The following LPP variants were observed in gnomAD, a reference collection of about 807,000 sequenced individuals.
The protein encoded by LPP is LIM domain containing preferred translocation partner in lipoma, also known as lipoma-preferred partner.
In LPP, 38 loss-of-function variants were observed where a neutral mutation model predicts 60.4. The observed-to-expected ratio is 0.63, with a 90% CI of 0.49 to 0.83. The LOEUF is 0.83. Ranked by LOEUF, LPP falls within the 40% of genes least tolerant of loss-of-function variation. LPP has a pLI of 0.00. For missense variants in LPP, 902 were observed against 783.6 expected, an observed-to-expected ratio of 1.15 and a Z score of -1.80; for synonymous variants, 328 against 290.8, an observed-to-expected ratio of 1.13 and a Z score of -1.30.
chr3:188,354,038 T>C (rs1254880713), intron 3 of LPP, among the ~76,000 whole-genome samples: 2 of 152,172 alleles, frequency 1.3e-5, no homozygotes, highest in African/African-American at 4.8e-5. Flanking sequence ...TTGTCTGATA[T>C]TGATGTTCTG....
chr3:188,786,174 G>A (rs1170688888), intron 9 of LPP, among the ~76,000 whole-genome samples: 1 of 151,890 alleles, frequency 6.6e-6, no homozygotes, highest in East Asian at 1.9e-4. Context: ...GAGGTCAGGA[G>A]TTCGAAACCA....
chr3:188,252,724 G>A (rs529740039), intron 2 of LPP, among the ~76,000 whole-genome samples: 26 of 152,162 alleles, frequency 1.7e-4, no homozygotes, highest in Admixed American at 5.9e-4. Context: ...TATTCATTTT[G>A]TGAGTTTTTT....
At chr3:188,249,933 G>T (rs1179560907) in intron 2 of LPP, among the ~76,000 whole-genome samples, 1 of 143,274 alleles carries the variant, frequency 7.0e-6, no homozygotes, top group Admixed American at 7.1e-5. Flanking sequence ...TTTCAGAGTA[G>T]GTCACTTATA....
At chr3:188,392,337 A>G (rs1021752204) in intron 3 of LPP, among the ~76,000 whole-genome samples, 3 of 152,158 alleles carry the variant, frequency 2.0e-5, no homozygotes, top group African/African-American at 7.2e-5. Context: ...GGAAAGTACT[A>G]CATGGAGACA....
intron 7 of LPP, among the ~76,000 whole-genome samples, chr3:188,679,046 G>A (rs934711006): frequency 1.3e-5 from 2 of 152,190 alleles, no homozygotes; most frequent in South Asian, 4.1e-4. Context: ...GTGCTCTGGG[G>A]TATCTTCAGA....
At chr3:188,406,803 T>A (rs1471126067) in intron 4 of LPP, among the ~76,000 whole-genome samples, 1 of 152,168 alleles carries the variant, frequency 6.6e-6, no homozygotes, top group African/African-American at 2.4e-5. Flanking sequence ...GAAGGATAAG[T>A]TGTCTAGAGT....
intron 8 of LPP, among the ~76,000 whole-genome samples, chr3:188,735,306 G>T (rs1343135022): frequency 1.3e-5 from 2 of 151,534 alleles, no homozygotes; most frequent in Non-Finnish European, 2.9e-5. Context: ...GAATTAGCCG[G>T]GTTAAGTCAC....
At chr3:188,860,579 C>T (rs1014539690) in intron 9 of LPP, among the ~76,000 whole-genome samples, 2 of 151,946 alleles carry the variant, frequency 1.3e-5, no homozygotes, top group Admixed American at 6.5e-5. Flanking sequence ...TTGAAACACA[C>T]TGTGTGTTAA....
At chr3:188,186,799 C>T (rs921307580) in intron 1 of LPP, among the ~76,000 whole-genome samples, 2 of 151,854 alleles carry the variant, frequency 1.3e-5, no homozygotes, top group African/African-American at 4.8e-5. Context: ...GCTTCTGTCT[C>T]ATGCTTGAGT....
intron 4 of LPP, among the ~76,000 whole-genome samples, chr3:188,451,036 C>T (rs1034237010): frequency 1.3e-5 from 2 of 151,856 alleles, no homozygotes; most frequent in African/African-American, 4.8e-5. Flanking sequence ...TCACTAGGCT[C>T]TGTGTTTTTT....
At chr3:188,625,941 T>G (rs6790135) in intron 7 of LPP, among the ~76,000 whole-genome samples, 117,677 of 152,092 alleles carry the variant, frequency 0.77, 45,837 homozygotes, top group East Asian at 1. Context: ...TGTGCAAAAA[T>G]AAAGGATTTC....
rs114727589 is a variant in LPP, at chr3:188,215,922, C to T, written c.-189-9483C>T. On this transcript the variant is annotated intron_variant, in intron 1 of 11. Coordinates refer to ENST00000617246, the MANE Select transcript of LPP (RefSeq NM_001375462.1). The stretch of plus-strand genomic sequence containing the variant: ...TGGCATTTCAATAAAGCAAGTGTTC[C>T]AAAGGGCTGTACGCAGCTATGCTTC... 3.5e-3 allele frequency among the ~76,000 whole-genome samples: 534 copies of T among 152,302 alleles called. 10 individuals are homozygous for T. Among genetic ancestry groups the T allele is most frequent in the African/African-American group, 0.012 (493 of 41,566 alleles).
At chr3:188,314,386 A>T (rs1210561772) in intron 2 of LPP, among the ~76,000 whole-genome samples, 1 of 152,046 alleles carries the variant, frequency 6.6e-6, no homozygotes, top group Non-Finnish European at 1.5e-5. Flanking sequence ...TTCTAAAAAA[A>T]TTTTATGTTT....
chr3:188,223,308 C>A (rs1344275919), intron 1 of LPP, among the ~76,000 whole-genome samples: 1 of 152,090 alleles, frequency 6.6e-6, no homozygotes, highest in Non-Finnish European at 1.5e-5. Context: ...TACTTCTGAA[C>A]TATAACCGGG....
At chr3:188,252,381 TG>T (rs1294542322) in intron 2 of LPP, among the ~76,000 whole-genome samples, 1 of 143,828 alleles carries the variant, frequency 7.0e-6, no homozygotes, top group African/African-American at 2.6e-5. Context: ...CTCTCTCTCC[TG>T]CTCAACCAAT....
chr3:188,296,327 G>T lies in LPP; in HGVS notation c.-66-45336G>T, dbSNP rs187107879. Among the ~76,000 whole-genome samples, 19 of 152,230 alleles carry T rather than the reference G, an allele frequency of 1.2e-4. No homozygotes were observed. The East Asian group carries it at 3.7e-3, about 29-fold the overall frequency. ...GCTTGAAAAAGATAAGTGAGGATTC[G>T]GGGGATGGAGGAATCCCAGAGGTTG... On this transcript the variant is annotated intron_variant, in intron 2 of 11. Coordinates refer to ENST00000617246, the MANE Select transcript of LPP (RefSeq NM_001375462.1).
intron 6 of LPP, among the ~76,000 whole-genome samples, chr3:188,565,286 T>A (rs949509133): frequency 6.6e-6 from 1 of 152,018 alleles, no homozygotes; most frequent in African/African-American, 2.4e-5. Context: ...TATGTACTTC[T>A]CTATCACAGA....
chr3:188,742,552 A>G (rs920062871), intron 8 of LPP, among the ~76,000 whole-genome samples: 4 of 152,112 alleles, frequency 2.6e-5, no homozygotes, highest in Admixed American at 1.3e-4. Flanking sequence ...CTCCACCCCT[A>G]AAAAAGACTG....
At chr3:188,435,270 TC>T (rs1792027477) in intron 4 of LPP, among the ~76,000 whole-genome samples, 1 of 152,204 alleles carries the variant, frequency 6.6e-6, no homozygotes, top group Non-Finnish European at 1.5e-5. Context: ...CTTAATTGTC[TC>T]CTTTGAGTTC....
Sources: gnomAD v4.1 joint callset for allele counts (sites outside exome capture counted in the v4.1 genomes callset) on GRCh38, gnomAD v4.1.1 for gene constraint, MANE v1.5 for transcripts, NCBI Gene and HGNC (gene_info 2026-07-23, HGNC 2026-07-21) for gene names.